The following NRG1 variants were observed in gnomAD, a reference collection of about 807,000 sequenced individuals.
NRG1 encodes the protein pro-neuregulin-1, membrane-bound isoform.
A neutral mutation model predicts 63.8 loss-of-function variants in NRG1; 18 were observed. The ratio of observed to expected loss-of-function variants is 0.28; its 90% CI spans 0.19 to 0.42. The LOEUF (loss-of-function observed/expected upper bound fraction) is 0.42. NRG1 is among the 10% of genes least tolerant of loss of function. The pLI, the probability that NRG1 is intolerant of heterozygous loss-of-function variation, is 1.00. For synonymous variants in NRG1, 302 were observed against 301.3 expected, an observed-to-expected ratio of 1.00 and a Z score of -0.02; for missense variants, 762 against 814.7, an observed-to-expected ratio of 0.94 and a Z score of 0.79.
chr8:32,066,682 GT>G (rs1005814115), intron 1 of NRG1, among the ~76,000 whole-genome samples: 102 of 152,208 alleles, frequency 6.7e-4, no homozygotes, highest in African/African-American at 2.4e-3. Flanking sequence ...CTCTTTTTTG[GT>G]TCCATAGGAA....
At chr8:32,517,888 T>TTACCATA (rs1197401642) in intron 1 of NRG1, among the ~76,000 whole-genome samples, 2 of 152,134 alleles carry the variant, frequency 1.3e-5, no homozygotes, top group African/African-American at 4.8e-5. Context: ...TAAAAATATA[T>TTACCATA]TACCATATTA....
At chr8:32,018,521 G>T (rs1029821458) in intron 1 of NRG1, among the ~76,000 whole-genome samples, 1 of 152,098 alleles carries the variant, frequency 6.6e-6, no homozygotes, top group African/African-American at 2.4e-5. Flanking sequence ...ATAGATTGTT[G>T]CAGAAAATAT....
chr8:31,873,420 G>A (rs541793265), intron 1 of NRG1, among the ~76,000 whole-genome samples: 6 of 152,210 alleles, frequency 3.9e-5, no homozygotes, highest in South Asian at 2.1e-4. Flanking sequence ...TTAGCCGGGC[G>A]TGGTGGCGTG....
At chr8:32,368,818 TG>T (rs1306875863) in intron 1 of NRG1, among the ~76,000 whole-genome samples, 1 of 152,240 alleles carries the variant, frequency 6.6e-6, no homozygotes, top group Non-Finnish European at 1.5e-5. Flanking sequence ...TAAAAAATGA[TG>T]TAAACTTATT....
intron 1 of NRG1, among the ~76,000 whole-genome samples, chr8:32,411,842 T>A (rs1332869616): frequency 1.3e-5 from 2 of 152,202 alleles, no homozygotes; most frequent in African/African-American, 4.8e-5. Flanking sequence ...AGCCATCTTA[T>A]TCTAAAAATC....
chr8:31,809,741 G>GTTTTTTTTTTTTTTT (rs753730069), intron 1 of NRG1, among the ~76,000 whole-genome samples: 3 of 68,018 alleles, frequency 4.4e-5, no homozygotes, highest in Non-Finnish European at 5.2e-5. Flanking sequence ...TCTATTAATT[G>GTTTTTTTTTTTTTTT]TTTTTTTTTT....
At position 31,756,297 on chromosome 8, in the gene NRG1, C is replaced by T. The variant is rs138914460; in HGVS notation, c.37+116866C>T. 7.3e-3 allele frequency among the ~76,000 whole-genome samples: 1,109 copies of T among 152,224 alleles called. 45 individuals are homozygous for T. In the South Asian group the frequency reaches 0.11, roughly 15 times the overall value. On this transcript the variant is annotated intron_variant, in intron 1 of 10. Transcript: ENST00000519301. ...AACATCCTATCTGTTATTTACCCAT[C>T]TCTGTGAAACTGATTATGAGATTTT... is the stretch of plus-strand genomic sequence containing the variant.
intron 1 of NRG1, among the ~76,000 whole-genome samples, chr8:32,462,022 C>T (rs6985581): frequency 0.57 from 86,486 of 151,878 alleles, 25,136 homozygotes; most frequent in East Asian, 0.89. Context: ...TTGCCCTGGA[C>T]TTTTAGCATT....
chr8:31,683,053 G>A (rs768558933), intron 1 of NRG1, among the ~76,000 whole-genome samples: 1 of 152,048 alleles, frequency 6.6e-6, no homozygotes, highest in Non-Finnish European at 1.5e-5. Context: ...TAACTAACCC[G>A]CCCTCGGGAG....
intron 1 of NRG1, among the ~76,000 whole-genome samples, chr8:32,177,780 A>G (rs1840961865): frequency 6.6e-6 from 1 of 152,166 alleles, no homozygotes; most frequent in Non-Finnish European, 1.5e-5. Flanking sequence ...AGCATGTTCT[A>G]TAGGTGGGCT....
intron 5 of NRG1, among the ~76,000 whole-genome samples, chr8:32,671,150 T>TA (rs999226997): frequency 7.3e-5 from 11 of 150,424 alleles, no homozygotes; most frequent in South Asian, 4.2e-4. Flanking sequence ...TTTAGCAAAT[T>TA]AAAAAAAAAT....
intron 1 of NRG1, among the ~76,000 whole-genome samples, chr8:32,007,153 G>C (rs967468267): frequency 1.3e-5 from 2 of 152,014 alleles, no homozygotes; most frequent in Non-Finnish European, 2.9e-5. Context: ...CAGTTGTTAA[G>C]ATATGTAGCA....
At chr8:31,793,874 A>G (rs943186832) in intron 1 of NRG1, among the ~76,000 whole-genome samples, 1 of 151,974 alleles carries the variant, frequency 6.6e-6, no homozygotes. Flanking sequence ...CTTTTTTAGT[A>G]TATTCTCCCT....
At chr8:32,029,555 G>A (rs1042456890) in intron 1 of NRG1, 19 of 152,290 alleles carry the variant, frequency 1.2e-4, no homozygotes, top group Admixed American at 3.3e-4. Context: ...TTGAACAGTT[G>A]ATTGACTGAA....
At chr8:32,072,151 T>TGG (rs1825842016) in intron 1 of NRG1, among the ~76,000 whole-genome samples, 1 of 152,066 alleles carries the variant, frequency 6.6e-6, no homozygotes, top group Non-Finnish European at 1.5e-5. Flanking sequence ...CAAGGTATCT[T>TGG]TATCCTGAAG....
intron 5 of NRG1, among the ~76,000 whole-genome samples, chr8:32,686,630 G>A (rs149889001): frequency 3.9e-4 from 59 of 152,342 alleles, no homozygotes; most frequent in African/African-American, 1.3e-3. Flanking sequence ...AACAGTTAAA[G>A]GAAGGTGATT....
At chr8:31,913,119 A>G in intron 1 of NRG1, among the ~76,000 whole-genome samples, 1 of 152,126 alleles carries the variant, frequency 6.6e-6, no homozygotes, top group Non-Finnish European at 1.5e-5. Context: ...GGTTAAGTTA[A>G]TTTCTCAGTT....
At chr8:32,069,446 A>C (rs1825411449) in intron 1 of NRG1, among the ~76,000 whole-genome samples, 1 of 152,238 alleles carries the variant, frequency 6.6e-6, no homozygotes, top group Non-Finnish European at 1.5e-5. Flanking sequence ...TAAGGTGCAG[A>C]AAATGCTTAT....
intron 1 of NRG1, among the ~76,000 whole-genome samples, chr8:32,535,637 A>T (rs1029434205): frequency 6.6e-6 from 1 of 152,224 alleles, no homozygotes; most frequent in Non-Finnish European, 1.5e-5. Context: ...TAGAGACAGG[A>T]TGATCTACAA....
Sources: gnomAD v4.1 joint callset for allele counts (sites outside exome capture counted in the v4.1 genomes callset) on GRCh38, gnomAD v4.1.1 for gene constraint, MANE v1.5 for transcripts, NCBI Gene and HGNC (gene_info 2026-07-23, HGNC 2026-07-21) for gene names.